TFG: variants seen among roughly 807,000 people sequenced by gnomAD.
TFG encodes trafficking from ER to golgi regulator, also known as protein TFG.
TFG carries 22 observed loss-of-function variants against 51.4 expected under a neutral mutation model. The ratio of observed to expected loss-of-function variants is 0.43; its 90% CI spans 0.31 to 0.61. TFG has a LOEUF of 0.61. TFG is among the 20% of genes least tolerant of loss of function. TFG has a pLI of 0.12. For synonymous variants in TFG, 187 were observed against 165.6 expected, an observed-to-expected ratio of 1.13 and a Z score of -0.99; for missense variants, 419 against 487.7, an observed-to-expected ratio of 0.86 and a Z score of 1.33.
intron 6 of TFG, among the ~76,000 whole-genome samples, chr3:100,738,890 G>A (rs182505840): frequency 1.6e-3 from 246 of 152,234 alleles, no homozygotes; most frequent in Non-Finnish European, 2.9e-3. Context: ...TGTATCCAAC[G>A]TGTACTCACT....
intron 2 of TFG, among the ~76,000 whole-genome samples, chr3:100,715,266 A>G (rs937435348): frequency 6.6e-6 from 1 of 152,228 alleles, no homozygotes; most frequent in Non-Finnish European, 1.5e-5. Context: ...GTTACCTTCA[A>G]CACATGGCTT....
At chr3:100,714,015 G>A (rs1309674312) in intron 2 of TFG, 146 bp downstream of exon 2, 4 of 448,112 alleles carry the variant, frequency 8.9e-6, no homozygotes, top group African/African-American at 4.0e-5. Flanking sequence ...ATCCTGCCTC[G>A]GCCTCCCAAA....
chr3:100,722,206 A>C (rs2095062840), intron 3 of TFG, among the ~76,000 whole-genome samples: 1 of 152,246 alleles, frequency 6.6e-6, no homozygotes, highest in Non-Finnish European at 1.5e-5. Context: ...TATTATGGAA[A>C]AACAATAAAC....
intron 3 of TFG, among the ~76,000 whole-genome samples, chr3:100,721,466 T>A (rs2149068454): frequency 6.6e-6 from 1 of 152,288 alleles, no homozygotes; most frequent in South Asian, 2.1e-4. Flanking sequence ...TAGAAAAGTC[T>A]ACCTTGATAC....
intron 6 of TFG, 117 bp downstream of exon 6, chr3:100,736,833 A>T: frequency 1.8e-6 from 2 of 1,103,030 alleles, no homozygotes; most frequent in Non-Finnish European, 2.5e-6. Flanking sequence ...AAAAATTTTG[A>T]TTTACTGACA....
chr3:100,736,611 A>G lies in TFG; in HGVS notation c.616A>G (p.Thr206Ala). Residue 206 changes from threonine to alanine, a missense_variant, in exon 6 of 8, where the codon ACA (threonine) becomes GCA (alanine). Thr to Ala is a moderately conservative substitution (Grantham distance 58). Transcript: ENST00000240851. ...TGCTCCTGCAGAAGATCGTTCAGGA[A>G]CACCCGACAGCATTGCTTCCTCCTC... is the stretch of plus-strand genomic sequence containing the variant. ...PSAPAEDRSG[T>A]PDSIASSSSA... The G allele has an allele frequency of 6.2e-7, 1 of 1,613,964 alleles. No homozygotes were observed. The highest frequency in any genetic ancestry group is 8.5e-7 in the Non-Finnish European group (1 of 1,179,950).
intron 3 of TFG, among the ~76,000 whole-genome samples, chr3:100,727,542 C>T (rs542757673): frequency 1.3e-5 from 2 of 152,208 alleles, no homozygotes; most frequent in Admixed American, 6.5e-5. Flanking sequence ...AATTTTTGAA[C>T]GCCTGTCTTG....
chr3:100,720,428 G>A (rs900301968), intron 3 of TFG, among the ~76,000 whole-genome samples: 1 of 152,202 alleles, frequency 6.6e-6, no homozygotes, highest in African/African-American at 2.4e-5. Context: ...ATGTAAGTCT[G>A]ATACTTGAAA....
intron 6 of TFG, among the ~76,000 whole-genome samples, chr3:100,738,085 C>CAA (rs10537172): frequency 6.7e-6 from 1 of 149,208 alleles, no homozygotes; most frequent in Non-Finnish European, 1.5e-5. Flanking sequence ...CAAACAAAGC[C>CAA]AAAAAAAAAA....
chr3:100,747,784 T>G (rs1249210847), intron 7 of TFG, among the ~76,000 whole-genome samples: 2 of 152,216 alleles, frequency 1.3e-5, no homozygotes, highest in East Asian at 3.8e-4. Flanking sequence ...GTGTTTTTAT[T>G]TGATACTGTT....
chr3:100,730,133 T>G (rs1559714844), intron 4 of TFG, among the ~76,000 whole-genome samples: 1 of 152,198 alleles, frequency 6.6e-6, no homozygotes, highest in Non-Finnish European at 1.5e-5. Flanking sequence ...GACACAACAT[T>G]TGCATATAAT....
At chr3:100,728,919 A>G in intron 4 of TFG, 61 bp downstream of exon 4, 1 of 1,429,250 alleles carries the variant, frequency 7.0e-7, no homozygotes, top group South Asian at 1.5e-5. Flanking sequence ...GAGGTTTTAA[A>G]AAACTCTTTT....
chr3:100,736,478 A>G (rs1016843771), intron 5 of TFG, 98 bp from the exon 6 acceptor site: 32 of 1,330,670 alleles, frequency 2.4e-5, no homozygotes, highest in African/African-American at 8.8e-5. Context: ...TACTTATTCT[A>G]TAGTACTTTT....
At chr3:100,732,743 T>C in intron 5 of TFG, 71 bp downstream of exon 5, 1 of 1,326,460 alleles carries the variant, frequency 7.5e-7, no homozygotes, top group South Asian at 1.5e-5. Context: ...TCCTTCTTTC[T>C]TTAATTGAAG....
chr3:100,732,490 A>T lies in TFG; in HGVS notation c.416-18A>T. On this transcript the variant is annotated intron_variant, in intron 4 of 7. Coordinates refer to ENST00000240851, the MANE Select transcript of TFG (RefSeq NM_006070.6). ...ATAAAAAGGAAACAAGTTTTTGTTT[A>T]TTCCTCTATTTTTACAGATACTGTG... The T allele has an allele frequency of 1.9e-6, 3 of 1,584,406 alleles. No individual in the cohort carries two copies. The highest frequency in any genetic ancestry group is 2.6e-6 in the Non-Finnish European group (3 of 1,169,748).
At chr3:100,725,503 G>A (rs2095072631) in intron 3 of TFG, among the ~76,000 whole-genome samples, 1 of 151,540 alleles carries the variant, frequency 6.6e-6, no homozygotes, top group Non-Finnish European at 1.5e-5. Flanking sequence ...ATTTGGCCAG[G>A]TGCGGTGGCT....
At chr3:100,718,848 G>A (rs967909383) in intron 2 of TFG, among the ~76,000 whole-genome samples, 7 of 151,906 alleles carry the variant, frequency 4.6e-5, no homozygotes, top group African/African-American at 1.7e-4. Context: ...GTGAGCCACC[G>A]CACTTGGCCA....
chr3:100,715,379 G>A lies in TFG; in HGVS notation c.184+1510G>A, dbSNP rs186794564. Among the ~76,000 whole-genome samples the A allele has an allele frequency of 3.0e-3, 454 of 152,320 alleles. 1 individual carries two copies. The highest frequency in any genetic ancestry group is 9.5e-3 in the African/African-American group (395 of 41,564). ...CTCACTAGGCCTGATGGTGTTGTAT[G>A]TCATTTCTGCCCTTATGACATTGGT... is the stretch of plus-strand genomic sequence containing the variant. On this transcript the variant is annotated intron_variant, in intron 2 of 7. Coordinates refer to ENST00000240851, the MANE Select transcript of TFG (RefSeq NM_006070.6).
intron 4 of TFG, among the ~76,000 whole-genome samples, chr3:100,731,975 C>T (rs1261958934): frequency 1.3e-5 from 2 of 152,006 alleles, no homozygotes; most frequent in East Asian, 3.8e-4. Flanking sequence ...TTTTAATGTG[C>T]TATTTATGGA....
Sources: gnomAD v4.1 joint callset for allele counts (sites outside exome capture counted in the v4.1 genomes callset) on GRCh38, gnomAD v4.1.1 for gene constraint, MANE v1.5 for transcripts, NCBI Gene and HGNC (gene_info 2026-07-23, HGNC 2026-07-21) for gene names.